DCDC1: variants seen among roughly 807,000 people sequenced by gnomAD.
DCDC1 encodes doublecortin domain-containing protein 1.
DCDC1 carries 200 observed loss-of-function variants against 178.3 expected under a neutral mutation model. The observed-to-expected ratio is 1.12, with a 90% CI of 1.00 to 1.26. DCDC1 has a LOEUF of 1.26. DCDC1 is among the 50% of genes most tolerant of loss of function. The pLI is 0.00. For missense variants in DCDC1, 1,983 were observed against 1,749.2 expected (o/e 1.13, Z -2.38); for synonymous variants, 690 against 604.8 (o/e 1.14, Z -2.07).
intron 9 of DCDC1, among the ~76,000 whole-genome samples, chr11:31,140,626 A>C (rs1442963717): frequency 6.6e-6 from 1 of 152,236 alleles, no homozygotes; most frequent in Non-Finnish European, 1.5e-5. Flanking sequence ...AACAGTATCC[A>C]AAATGAAAGA....
intron 20 of DCDC1, among the ~76,000 whole-genome samples, chr11:30,971,286 C>T (rs1298544508): frequency 2.0e-5 from 3 of 151,860 alleles, no homozygotes. Context: ...TCCAAAAGAA[C>T]AAAAGAACAC....
intron 10 of DCDC1, among the ~76,000 whole-genome samples, chr11:31,136,565 C>T (rs1306659483): frequency 1.3e-5 from 2 of 151,926 alleles, no homozygotes; most frequent in Non-Finnish European, 2.9e-5. Flanking sequence ...TACCAAAACC[C>T]TGAAGCTTGA....
At chr11:30,866,497 C>T (rs1195157851) in intron 38 of DCDC1, among the ~76,000 whole-genome samples, 2 of 152,078 alleles carry the variant, frequency 1.3e-5, no homozygotes, top group African/African-American at 4.8e-5. Context: ...ACTTAATTAG[C>T]CCCTAAGGGT....
chr11:30,873,579 G>C (rs1446079781), intron 38 of DCDC1, among the ~76,000 whole-genome samples: 1 of 152,016 alleles, frequency 6.6e-6, no homozygotes, highest in Non-Finnish European at 1.5e-5. Context: ...CTGAAATAAC[G>C]TCCTGTGGAT....
intron 9 of DCDC1, among the ~76,000 whole-genome samples, chr11:31,175,362 C>T (rs572514662): frequency 6.6e-6 from 1 of 152,294 alleles, no homozygotes; most frequent in East Asian, 1.9e-4. Flanking sequence ...ATGAAAGGAC[C>T]AAGACCCTAG....
intron 3 of DCDC1, among the ~76,000 whole-genome samples, chr11:31,315,629 C>T (rs1330211224): frequency 1.3e-5 from 2 of 149,094 alleles, no homozygotes; most frequent in Non-Finnish European, 3.0e-5. Flanking sequence ...AGCCACCATG[C>T]CCGGCCATCT....
intron 20 of DCDC1, among the ~76,000 whole-genome samples, chr11:31,060,927 A>G (rs1241952469): frequency 6.6e-6 from 1 of 152,112 alleles, no homozygotes; most frequent in Non-Finnish European, 1.5e-5. Context: ...TTTTAAATCT[A>G]TGTTTTCTTT....
At chr11:31,197,659 A>G (rs948796086) in intron 9 of DCDC1, among the ~76,000 whole-genome samples, 3 of 152,042 alleles carry the variant, frequency 2.0e-5, no homozygotes, top group African/African-American at 7.2e-5. Context: ...ATCTGTTACT[A>G]CTGGAGGAAA....
At position 31,139,574 on chromosome 11, in the gene DCDC1, T is replaced by C. The variant is rs1310786257; in HGVS notation, c.1222-1790A>G. On this transcript the variant is annotated intron_variant, in intron 9 of 38. Transcript: ENST00000684477. ...AAAATTTATTTCCAAATGCAAAAAC[T>C]TTCAGAACAGATCTTTCTTAAAGGG... 2.6e-5 allele frequency among the ~76,000 whole-genome samples: 4 copies of C among 152,154 alleles called. No individual in the cohort carries two copies. The East Asian group carries it at 7.7e-4, about 29-fold the overall frequency.
Position 31,105,944 on chromosome 11 carries a change from C to T in DCDC1, c.1751+853G>A, listed in dbSNP as rs1348036794. 2.6e-5 allele frequency among the ~76,000 whole-genome samples: 4 copies of T among 152,196 alleles called. No homozygotes were observed. In the East Asian group the frequency reaches 7.7e-4, roughly 29 times the overall value. On this transcript the variant is annotated intron_variant, in intron 13 of 38. Transcript: ENST00000684477. ...AATTATTTTCCCTTATTCTGTTCTA[C>T]AGATAATAAGCTAAAAAAATTAAAA...
At chr11:30,941,957 C>A (rs1947678560) in intron 21 of DCDC1, among the ~76,000 whole-genome samples, 2 of 152,066 alleles carry the variant, frequency 1.3e-5, no homozygotes, top group South Asian at 4.1e-4. Context: ...GCTTGGTAAA[C>A]ATGTTAACAA....
intron 9 of DCDC1, among the ~76,000 whole-genome samples, chr11:31,184,766 A>C (rs1004105885): frequency 3.3e-5 from 5 of 152,204 alleles, no homozygotes; most frequent in Admixed American, 6.5e-5. Context: ...GTCAGGAAAC[A>C]ACAGATGCTA....
At chr11:31,358,498 T>C (rs1428027172) in intron 1 of DCDC1, among the ~76,000 whole-genome samples, 27 of 151,248 alleles carry the variant, frequency 1.8e-4, no homozygotes, top group Non-Finnish European at 3.8e-4. Flanking sequence ...GAAGAAAACC[T>C]AGGCATTACC....
intron 2 of DCDC1, among the ~76,000 whole-genome samples, chr11:31,334,362 C>T (rs939678181): frequency 1.3e-5 from 2 of 152,212 alleles, no homozygotes; most frequent in African/African-American, 4.8e-5. Flanking sequence ...TATTACCGAC[C>T]TTCTGAAGCC....
At chr11:31,183,666 T>C (rs1159591574) in intron 9 of DCDC1, among the ~76,000 whole-genome samples, 1 of 152,134 alleles carries the variant, frequency 6.6e-6, no homozygotes, top group Non-Finnish European at 1.5e-5. Context: ...GTAAGTGAAC[T>C]CCCATTCACA....
At chr11:31,328,064 A>T in intron 3 of DCDC1, 53 bp downstream of exon 3, 1 of 1,495,140 alleles carries the variant, frequency 6.7e-7, no homozygotes, top group Non-Finnish European at 9.0e-7. Flanking sequence ...CTTTCTATAA[A>T]CACTTTTATC....
intron 3 of DCDC1, among the ~76,000 whole-genome samples, chr11:31,315,640 G>C (rs1186214250): frequency 6.0e-5 from 8 of 134,364 alleles, no homozygotes; most frequent in African/African-American, 2.4e-4. Flanking sequence ...CCGGCCATCT[G>C]CATACCTTTT....
At chr11:31,064,363 G>A (rs1956133706) in intron 20 of DCDC1, 106 bp downstream of exon 20, 2 of 628,524 alleles carry the variant, frequency 3.2e-6, no homozygotes, top group Non-Finnish European at 5.7e-6. Context: ...AAGCCAAAGG[G>A]CTTTTGAGAT....
intron 3 of DCDC1, among the ~76,000 whole-genome samples, chr11:31,310,304 C>T (rs867640157): frequency 0.045 from 2,637 of 58,466 alleles, 220 homozygotes; most frequent in African/African-American, 0.18. Flanking sequence ...TTCAGTAATT[C>T]TTGATTTTTT....
Sources: allele counts gnomAD v4.1 joint callset (sites outside exome capture counted in the v4.1 genomes callset), GRCh38; gene constraint gnomAD v4.1.1; transcripts MANE v1.5; gene names NCBI Gene and HGNC (gene_info 2026-07-23, HGNC 2026-07-21).